The following DYM variants were observed in gnomAD, a reference collection of about 807,000 sequenced individuals.
DYM encodes dyggve-Melchior-Clausen syndrome protein.
A neutral mutation model predicts 93.1 loss-of-function variants in DYM; 78 were observed. The observed-to-expected ratio is 0.84, with a 90% confidence interval of 0.70 to 1.01. The LOEUF (loss-of-function observed/expected upper bound fraction) is 1.01, where lower values mean the gene tolerates loss of function less well. Among genes scored for constraint, DYM ranks in the 50% least tolerant of loss-of-function variants. The pLI is 0.00. For synonymous variants in DYM, 321 were observed against 319.7 expected (o/e 1.00, Z -0.04); for missense variants, 789 against 845.0 (o/e 0.93, Z 0.82).
At chr18:49,397,828 T>C (rs923434251) in intron 2 of DYM, among the ~76,000 whole-genome samples, 2 of 152,240 alleles carry the variant, frequency 1.3e-5, no homozygotes, top group African/African-American at 4.8e-5. Context: ...TAATTTTATA[T>C]TCATATAACG....
At chr18:49,219,279 A>C (rs1238091720) in intron 13 of DYM, among the ~76,000 whole-genome samples, 1 of 152,120 alleles carries the variant, frequency 6.6e-6, no homozygotes, top group Non-Finnish European at 1.5e-5. Flanking sequence ...TTACCAACCA[A>C]AAAGAGTCCA....
At chr18:49,131,711 A>G (rs148035028) in intron 15 of DYM, among the ~76,000 whole-genome samples, 1 of 152,320 alleles carries the variant, frequency 6.6e-6, no homozygotes, top group African/African-American at 2.4e-5. Flanking sequence ...AGACAATCAT[A>G]CCTTCTCATT....
chr18:49,406,110 T>A (rs1179206970), intron 2 of DYM, among the ~76,000 whole-genome samples: 1 of 152,206 alleles, frequency 6.6e-6, no homozygotes, highest in African/African-American at 2.4e-5. Flanking sequence ...GCTCTAGGAA[T>A]CTTCTGGAGG....
At chr18:49,409,934 C>G (rs928539853) in intron 2 of DYM, among the ~76,000 whole-genome samples, 7 of 152,292 alleles carry the variant, frequency 4.6e-5, no homozygotes, top group African/African-American at 1.2e-4. Flanking sequence ...GGAGCCTATA[C>G]GTAGTACCTA....
intron 5 of DYM, among the ~76,000 whole-genome samples, chr18:49,377,477 T>G (rs759182917): frequency 1.4e-4 from 22 of 152,204 alleles, no homozygotes; most frequent in Non-Finnish European, 2.6e-4. Flanking sequence ...GGAGAATTGC[T>G]TGAACTCAGG....
At chr18:49,425,998 G>A (rs2074246815) in intron 2 of DYM, among the ~76,000 whole-genome samples, 1 of 151,986 alleles carries the variant, frequency 6.6e-6, no homozygotes. Flanking sequence ...CGATTCCTCA[G>A]GGATCTAGAA....
chr18:49,213,980 G>A (rs981241165), intron 13 of DYM, among the ~76,000 whole-genome samples: 1 of 152,162 alleles, frequency 6.6e-6, no homozygotes, highest in African/African-American at 2.4e-5. Context: ...TCTCAACAGT[G>A]GTATTTGATT....
chr18:49,085,840 G>A (rs2078473578), intron 17 of DYM, among the ~76,000 whole-genome samples: 1 of 151,972 alleles, frequency 6.6e-6, no homozygotes. Flanking sequence ...ACGTCTGACT[G>A]GTGATCCACC....
intron 16 of DYM, among the ~76,000 whole-genome samples, chr18:49,106,439 C>G (rs897021096): frequency 6.6e-6 from 1 of 152,158 alleles, no homozygotes; most frequent in Non-Finnish European, 1.5e-5. Flanking sequence ...TGAATTTGAT[C>G]CTGTCATTAT....
intron 8 of DYM, among the ~76,000 whole-genome samples, chr18:49,330,878 A>T (rs1178513242): frequency 6.6e-6 from 1 of 152,214 alleles, no homozygotes; most frequent in Non-Finnish European, 1.5e-5. Flanking sequence ...AGTGTGACTC[A>T]ATTCATAATA....
chr18:49,398,720 T>C (rs117843038), intron 2 of DYM, among the ~76,000 whole-genome samples: 2,222 of 152,298 alleles, frequency 0.015, 37 homozygotes, highest in Non-Finnish European at 0.021. Flanking sequence ...TCTTCCCCTT[T>C]TTCTGGCATA....
rs1443570222 is a variant in DYM, at chr18:49,209,644, G to A, written c.1532C>T (p.Ser511Phe). The change falls in exon 14 of 18, where the codon TCT becomes TTT. Residue 511 changes from serine (S) to phenylalanine (F), a missense_variant. Ser to Phe is a radical substitution (Grantham distance 155). Around this residue, in one of 3 missense-constraint regions of DYM, gnomAD observed 225 missense variants for 303.0 expected, o/e 0.74. Coordinates refer to ENST00000675505, the MANE Select transcript of DYM (RefSeq NM_001353214.3). ...DKLYFPHSHC[S>F]TLQHCFSTLS... ...GGTCGAGAAGCAATGCTGAAGCGTA[G>A]AACAGTGAGAGTGGGGGAAATACAG... 1.6e-6 allele frequency: 2 copies of A among 1,289,636 alleles called. No individual in the cohort carries two copies. The highest frequency in any genetic ancestry group is 1.1e-4 in the East Asian group (2 of 18,020). 79.9% of individuals were successfully genotyped at this position (1,289,636 alleles called of 1,614,324 possible).
At position 49,041,246 on chromosome 18, in the gene DYM, T is replaced by C. The variant is rs2070905028; in HGVS notation, c.*2809A>G. On this transcript the variant is annotated 3_prime_UTR_variant, in exon 18 of 18. Transcript: ENST00000675505. ...TCTTCTGCAAAGTGCCTTGAACTCT[T>C]GATAGGGAAGATGCTATTGAAAGGG... 6.6e-6 allele frequency among the ~76,000 whole-genome samples: 1 copy of C among 152,218 alleles called. No homozygotes were observed. Among genetic ancestry groups the C allele is most frequent in the African/African-American group, 2.4e-5 (1 of 41,454 alleles).
chr18:49,086,901 T>A (rs771950962), intron 17 of DYM, among the ~76,000 whole-genome samples: 1 of 151,884 alleles, frequency 6.6e-6, no homozygotes, highest in Non-Finnish European at 1.5e-5. Context: ...GGTAGGAGAA[T>A]TGCTTGAACC....
At chr18:49,441,694 C>A (rs1268453835) in intron 1 of DYM, among the ~76,000 whole-genome samples, 1 of 151,880 alleles carries the variant, frequency 6.6e-6, no homozygotes, top group Non-Finnish European at 1.5e-5. Context: ...AACCAGCCGA[C>A]CTGAGGAAGC....
At chr18:49,102,910 T>C (rs1159431769) in intron 16 of DYM, among the ~76,000 whole-genome samples, 1 of 152,234 alleles carries the variant, frequency 6.6e-6, no homozygotes, top group African/African-American at 2.4e-5. Context: ...GCATCATTTA[T>C]AATCCTTTGG....
chr18:49,242,662 C>T (rs1157853740), intron 13 of DYM, among the ~76,000 whole-genome samples: 1 of 152,056 alleles, frequency 6.6e-6, no homozygotes, highest in Non-Finnish European at 1.5e-5. Flanking sequence ...GGGAAGTACA[C>T]CCAAAAACGT....
At chr18:49,125,704 C>T (rs148424076) in intron 15 of DYM, among the ~76,000 whole-genome samples, 101 of 152,296 alleles carry the variant, frequency 6.6e-4, no homozygotes, top group African/African-American at 2.3e-3. Context: ...ATACAAAAGA[C>T]ACTAAAGTGA....
intron 10 of DYM, among the ~76,000 whole-genome samples, chr18:49,277,840 T>TA (rs552200443): frequency 7.9e-5 from 12 of 152,344 alleles, no homozygotes; most frequent in Admixed American, 6.5e-4. Flanking sequence ...CTGAACTGAC[T>TA]AAGCCAGAAC....
Sources: gnomAD v4.1 joint callset for allele counts (sites outside exome capture counted in the v4.1 genomes callset) on GRCh38, gnomAD v4.1.1 for gene constraint, gnomAD v4.1.1 regional missense constraint, MANE v1.5 for transcripts, NCBI Gene and HGNC (gene_info 2026-07-23, HGNC 2026-07-21) for gene names.